Variants in SSBP2 observed in about 807,000 individuals in gnomAD.
SSBP2 encodes single stranded DNA binding protein 2.
SSBP2 carries 17 observed loss-of-function variants against 61.8 expected under a neutral mutation model. The observed-to-expected ratio is 0.28, with a 90% CI of 0.19 to 0.41. The LOEUF is 0.41. Among genes scored for constraint, SSBP2 ranks in the 10% least tolerant of loss-of-function variants. The pLI is 1.00. For missense variants in SSBP2, 310 were observed against 458.7 expected (o/e 0.68, Z 2.96); for synonymous variants, 139 against 141.3 (o/e 0.98, Z 0.12).
At chr5:81,494,013 C>T (rs1767104139) in intron 5 of SSBP2, among the ~76,000 whole-genome samples, 1 of 152,130 alleles carries the variant, frequency 6.6e-6, no homozygotes, top group Non-Finnish European at 1.5e-5. Context: ...GGTTCACAGT[C>T]TTGTAATTAA....
chr5:81,610,138 G>C (rs1033596449), intron 4 of SSBP2, among the ~76,000 whole-genome samples: 5 of 152,194 alleles, frequency 3.3e-5, no homozygotes, highest in African/African-American at 7.2e-5. Context: ...GACTGAGCTG[G>C]TGTGTAGGTG....
chr5:81,417,489 C>A lies in SSBP2; in HGVS notation c.*3015G>T, dbSNP rs1761356595. 6.6e-6 allele frequency: 1 copy of A among 152,052 alleles called. No individual in the cohort carries two copies. The highest frequency in any genetic ancestry group is 1.5e-5 in the Non-Finnish European group (1 of 68,030). 9.4% of individuals were successfully genotyped at this position (152,052 alleles called of 1,614,324 possible). On this transcript the variant is annotated 3_prime_UTR_variant, in exon 17 of 17. Transcript: ENST00000320672. ...TGTGTATTTAATATGTTCAATGCAG[C>A]AAGAATTGCTGATATTATTACTGTG... is the stretch of plus-strand genomic sequence containing the variant.
chr5:81,581,210 A>AGATCGAG (rs1256192264), intron 4 of SSBP2, among the ~76,000 whole-genome samples: 1 of 152,218 alleles, frequency 6.6e-6, no homozygotes, highest in Non-Finnish European at 1.5e-5. Context: ...GCTGTAAGTA[A>AGATCGAG]GATCGAGTCC....
At chr5:81,695,783 TTTAA>T (rs1753560604) in intron 1 of SSBP2, among the ~76,000 whole-genome samples, 1 of 152,110 alleles carries the variant, frequency 6.6e-6, no homozygotes, top group Admixed American at 6.5e-5. Context: ...CTAAATGAGG[TTTAA>T]TTAGTGGATT....
At chr5:81,424,670 G>A (rs1761842585) in intron 16 of SSBP2, among the ~76,000 whole-genome samples, 1 of 152,090 alleles carries the variant, frequency 6.6e-6, no homozygotes, top group Non-Finnish European at 1.5e-5. Context: ...AATGAAATAA[G>A]GGGAAATAAC....
intron 6 of SSBP2, among the ~76,000 whole-genome samples, chr5:81,475,947 A>G (rs1432992808): frequency 6.6e-6 from 1 of 152,098 alleles, no homozygotes; most frequent in Admixed American, 6.6e-5. Flanking sequence ...GTGTGTGTGC[A>G]TGCATGTATA....
At chr5:81,670,661 T>C (rs1751519394) in intron 1 of SSBP2, among the ~76,000 whole-genome samples, 1 of 152,224 alleles carries the variant, frequency 6.6e-6, no homozygotes, top group Non-Finnish European at 1.5e-5. Flanking sequence ...AACTTATTTA[T>C]AATTTCCTCC....
chr5:81,654,711 C>T (rs1027114407), intron 1 of SSBP2, among the ~76,000 whole-genome samples: 1 of 152,080 alleles, frequency 6.6e-6, no homozygotes, highest in Non-Finnish European at 1.5e-5. Flanking sequence ...GGGAACAGCC[C>T]GGAACAGTAA....
chr5:81,427,320 A>AT (rs200099147), intron 16 of SSBP2, among the ~76,000 whole-genome samples: 2,231 of 151,840 alleles, frequency 0.015, 45 homozygotes, highest in African/African-American at 0.05. Context: ...GACAGGCTAA[A>AT]TTTTTTTTTC....
chr5:81,615,214 CA>C (rs770569959), intron 4 of SSBP2: 1 of 275,422 alleles, frequency 3.6e-6, no homozygotes, highest in Non-Finnish European at 6.7e-6. Flanking sequence ...TGAAATTTCA[CA>C]AATCAGACAT....
At chr5:81,522,076 C>G (rs1769533729) in intron 4 of SSBP2, among the ~76,000 whole-genome samples, 1 of 151,952 alleles carries the variant, frequency 6.6e-6, no homozygotes, top group African/African-American at 2.4e-5. Flanking sequence ...GTGAGAAAAA[C>G]AGTATACATA....
intron 2 of SSBP2, among the ~76,000 whole-genome samples, chr5:81,639,077 A>T (rs1378252078): frequency 6.6e-6 from 1 of 152,180 alleles, no homozygotes; most frequent in Non-Finnish European, 1.5e-5. Flanking sequence ...GTCAATATGA[A>T]CATCAATTAT....
chr5:81,684,497 CTGTA>C (rs1262642041), intron 1 of SSBP2, among the ~76,000 whole-genome samples: 6 of 152,120 alleles, frequency 3.9e-5, no homozygotes, highest in South Asian at 2.1e-4. Flanking sequence ...TAAAACTAGT[CTGTA>C]TGTGCCCAAG....
chr5:81,480,560 AGGCTGGGAT>A (rs909115939), intron 6 of SSBP2, among the ~76,000 whole-genome samples: 17 of 152,176 alleles, frequency 1.1e-4, no homozygotes, highest in African/African-American at 3.6e-4. Flanking sequence ...TGTTTGCTGA[AGGCTGGGAT>A]GGCTATGGCA....
chr5:81,615,604 T>A (rs748642884), intron 3 of SSBP2, 47 bp from the exon 4 acceptor site: 1 of 1,239,284 alleles, frequency 8.1e-7, no homozygotes, highest in African/African-American at 1.5e-5. Flanking sequence ...ACAACACCAA[T>A]ATGAGAAATC....
Position 81,510,213 on chromosome 5 carries a change from A to G in SSBP2, c.372+3415T>C, listed in dbSNP as rs1768491607. Among the ~76,000 whole-genome samples, 3 of 152,282 alleles carry G rather than the reference A, an allele frequency of 2.0e-5. No homozygotes were observed. The South Asian group carries it at 6.2e-4, about 32-fold the overall frequency. ...TAGACCTCAAACCTAGGACAGGTCT[A>G]TCAGCTTAACAGATATGTCTAATTG... On this transcript the variant is annotated intron_variant, in intron 5 of 16. Coordinates refer to ENST00000320672, the MANE Select transcript of SSBP2 (RefSeq NM_012446.5).
At chr5:81,671,295 T>C (rs1751559432) in intron 1 of SSBP2, among the ~76,000 whole-genome samples, 1 of 152,170 alleles carries the variant, frequency 6.6e-6, no homozygotes, top group Non-Finnish European at 1.5e-5. Context: ...TTTTTTCCTC[T>C]GGGCATTAAG....
intron 1 of SSBP2, among the ~76,000 whole-genome samples, chr5:81,703,153 TTATA>T (rs1754109123): frequency 6.6e-6 from 1 of 152,242 alleles, no homozygotes; most frequent in South Asian, 2.1e-4. Flanking sequence ...GCCTATTAAA[TTATA>T]AAAACCTTTA....
chr5:81,750,778 G>A (rs923703806), intron 1 of SSBP2: 5 of 582,118 alleles, frequency 8.6e-6, no homozygotes, highest in Admixed American at 6.5e-5. Context: ...ACAGCCCCCT[G>A]CGGCCGCCCG....
Sources: gnomAD v4.1 joint callset for allele counts (sites outside exome capture counted in the v4.1 genomes callset) on GRCh38, gnomAD v4.1.1 for gene constraint, MANE v1.5 for transcripts, NCBI Gene and HGNC (gene_info 2026-07-23, HGNC 2026-07-21) for gene names.